TRMT11: variants seen among roughly 807,000 people sequenced by gnomAD.
TRMT11 encodes tRNA (guanine(10)-N(2))-methyltransferase TRMT11.
TRMT11 carries 53 observed loss-of-function variants against 62.8 expected under a neutral mutation model. The ratio of observed to expected loss-of-function variants is 0.84; its 90% CI spans 0.68 to 1.06. TRMT11 has a LOEUF of 1.06. Among genes scored for constraint, TRMT11 ranks in the 50% least tolerant of loss-of-function variants. The pLI, the probability that TRMT11 is intolerant of heterozygous loss-of-function variation, is 0.00. For missense variants in TRMT11, 556 were observed against 553.4 expected (o/e 1.00, Z -0.05); for synonymous variants, 188 against 190.3 (o/e 0.99, Z 0.10).
At chr6:126,091,510 C>G (rs910590289) in intron 17 of TRMT11, among the ~76,000 whole-genome samples, 5 of 152,124 alleles carry the variant, frequency 3.3e-5, no homozygotes, top group African/African-American at 1.2e-4. Context: ...TCTCTCTAAA[C>G]CTGTTCTGGT....
chr6:126,117,433 A>C (rs1199095521), intron 21 of TRMT11, among the ~76,000 whole-genome samples: 1 of 152,022 alleles, frequency 6.6e-6, no homozygotes, highest in Non-Finnish European at 1.5e-5. Flanking sequence ...TGTCAGAAAG[A>C]ATGTCTTTTA....
chr6:126,219,104 C>A, the TRMT11 span, among the ~76,000 whole-genome samples: 19,156 of 152,204 alleles, frequency 0.13, 4,020 homozygotes, highest in African/African-American at 0.43. Flanking sequence ...TGGCAATTCA[C>A]GACTGTCATT....
intron 21 of TRMT11, among the ~76,000 whole-genome samples, chr6:126,128,200 G>T (rs1434569363): frequency 6.6e-6 from 1 of 152,046 alleles, no homozygotes. Context: ...AATCATTGGA[G>T]TGAATTAAGA....
intron 12 of TRMT11, among the ~76,000 whole-genome samples, chr6:126,036,209 G>C (rs960325122): frequency 6.6e-6 from 1 of 152,114 alleles, no homozygotes; most frequent in African/African-American, 2.4e-5. Context: ...TTGTACAGAG[G>C]AAAGTGAGAT....
chr6:126,265,389 T>C, the TRMT11 span, among the ~76,000 whole-genome samples: 1 of 152,118 alleles, frequency 6.6e-6, no homozygotes, highest in African/African-American at 2.4e-5. Context: ...TCCCAAAGTT[T>C]TGGTTTTACT....
intron 1 of TRMT11, among the ~76,000 whole-genome samples, chr6:126,184,398 T>C (rs1778503309): frequency 1.3e-5 from 2 of 152,212 alleles, no homozygotes; most frequent in African/African-American, 4.8e-5. Flanking sequence ...ATGTTCTTAC[T>C]TTGAAGTCCA....
chr6:126,094,299 A>G (rs1777316319), intron 17 of TRMT11, among the ~76,000 whole-genome samples: 1 of 152,240 alleles, frequency 6.6e-6, no homozygotes, highest in South Asian at 2.1e-4. Flanking sequence ...GAACTCTATC[A>G]AAGAACATAT....
chr6:126,145,010 A>G (rs1444759209), intron 21 of TRMT11, among the ~76,000 whole-genome samples: 1 of 152,202 alleles, frequency 6.6e-6, no homozygotes. Context: ...CCTACTTTTT[A>G]AAGACTGCCA....
chr6:126,240,551 C>A, the TRMT11 span, among the ~76,000 whole-genome samples: 3 of 152,122 alleles, frequency 2.0e-5, no homozygotes, highest in African/African-American at 7.2e-5. Context: ...AATGTTGCTG[C>A]CTGATTGTTC....
chr6:126,142,536 A>G (rs899302100), intron 21 of TRMT11, among the ~76,000 whole-genome samples: 2 of 152,142 alleles, frequency 1.3e-5, no homozygotes, highest in Non-Finnish European at 2.9e-5. Flanking sequence ...TTATAGTCAG[A>G]AAACCCAGGT....
intron 1 of TRMT11, among the ~76,000 whole-genome samples, chr6:125,990,138 G>A (rs1209044214): frequency 6.6e-6 from 1 of 152,134 alleles, no homozygotes; most frequent in Non-Finnish European, 1.5e-5. Flanking sequence ...TGATAAAAGG[G>A]ATCCTGTGGG....
At chr6:126,158,003 A>G (rs1003930562) in intron 21 of TRMT11, among the ~76,000 whole-genome samples, 3 of 152,118 alleles carry the variant, frequency 2.0e-5, no homozygotes, top group Admixed American at 2.0e-4. Flanking sequence ...AAGCCCCTCT[A>G]TATCCTCTAT....
At chr6:126,180,876 C>G (rs1398093041) in intron 1 of TRMT11, among the ~76,000 whole-genome samples, 1 of 152,142 alleles carries the variant, frequency 6.6e-6, no homozygotes, top group Non-Finnish European at 1.5e-5. Context: ...AATTACACAA[C>G]TTAATTTAAT....
chr6:126,209,319 A>G, the TRMT11 span, among the ~76,000 whole-genome samples: 1 of 152,200 alleles, frequency 6.6e-6, no homozygotes, highest in Non-Finnish European at 1.5e-5. Flanking sequence ...AACTTTTATT[A>G]TATTTAGAAA....
intron 7 of TRMT11, among the ~76,000 whole-genome samples, chr6:126,006,302 T>TC (rs1406074299): frequency 6.6e-6 from 1 of 151,992 alleles, no homozygotes; most frequent in Non-Finnish European, 1.5e-5. Flanking sequence ...TTCTTTTTTT[T>TC]CTCTCAGCAA....
intron 1 of TRMT11, among the ~76,000 whole-genome samples, chr6:126,193,757 T>A (rs571152436): frequency 1.3e-5 from 2 of 152,148 alleles, no homozygotes; most frequent in African/African-American, 4.8e-5. Context: ...CCTCCCAAAG[T>A]GCTGGCGTGA....
chr6:126,044,169 A>G (rs1480978268), downstream of TRMT11, among the ~76,000 whole-genome samples: 3 of 152,112 alleles, frequency 2.0e-5, no homozygotes, highest in Non-Finnish European at 4.4e-5. Context: ...GTTTTCTTCT[A>G]GGGTTTTTAT....
chr6:126,163,772 T>C (rs900728364), intron 21 of TRMT11, among the ~76,000 whole-genome samples: 1 of 152,216 alleles, frequency 6.6e-6, no homozygotes, highest in African/African-American at 2.4e-5. Flanking sequence ...GAGGTGTTTA[T>C]AGTATTCTCT....
At chr6:126,231,117 C>G in the TRMT11 span, among the ~76,000 whole-genome samples, 4 of 152,172 alleles carry the variant, frequency 2.6e-5, no homozygotes, top group Middle Eastern at 3.4e-3. Context: ...TTTGCTTGTG[C>G]TTGAGTTAGC....
Sources: gnomAD v4.1 joint callset for allele counts (sites outside exome capture counted in the v4.1 genomes callset) on GRCh38, gnomAD v4.1.1 for gene constraint, MANE v1.5 for transcripts, NCBI Gene and HGNC (gene_info 2026-07-23, HGNC 2026-07-21) for gene names.